The following CYP3A7 variants were observed in gnomAD, a reference collection of about 807,000 sequenced individuals.
CYP3A7 encodes the protein cytochrome P450 3A7.
CYP3A7 carries 45 observed loss-of-function variants against 55.2 expected under a neutral mutation model. The ratio of observed to expected loss-of-function variants is 0.82; its 90% CI spans 0.64 to 1.05. The LOEUF (loss-of-function observed/expected upper bound fraction) is 1.05. Among genes scored for constraint, CYP3A7 ranks in the 50% least tolerant of loss-of-function variants. The pLI is 0.00. For missense variants in CYP3A7, 548 were observed against 605.3 expected, an observed-to-expected ratio of 0.91 and a Z score of 0.99; for synonymous variants, 180 against 207.4, an observed-to-expected ratio of 0.87 and a Z score of 1.13.
chr7:99,724,871 G>A (rs137941706), intron 2 of CYP3A7, among the ~76,000 whole-genome samples: 5 of 152,024 alleles, frequency 3.3e-5, no homozygotes, highest in African/African-American at 4.8e-5. Context: ...TCAGTCCTGC[G>A]ATTTAACCTG....
At chr7:99,714,455 T>G in intron 8 of CYP3A7, 100 bp downstream of exon 8, 1 of 1,546,292 alleles carries the variant, frequency 6.5e-7, no homozygotes, top group South Asian at 1.2e-5. Flanking sequence ...TATGTTAAAA[T>G]CTTTCTCTAA....
intron 9 of CYP3A7, among the ~76,000 whole-genome samples, chr7:99,712,658 A>T (rs1300133772): frequency 6.6e-6 from 1 of 152,214 alleles, no homozygotes; most frequent in East Asian, 1.9e-4. Context: ...GATGATAGAT[A>T]GATAGACAGA....
chr7:99,713,456 A>G lies in CYP3A7; in HGVS notation c.865+13T>C, dbSNP rs762217964. On this transcript the variant is annotated intron_variant, in intron 9 of 12. Coordinates refer to ENST00000336374, the MANE Select transcript of CYP3A7 (RefSeq NM_000765.5). ...TGCCCCACCAGTAGCCCTCAGAAGCACTCTTTTGTTACCTTTGTGGGTCTC... is the reference window on the plus strand; with the variant it reads ...TGCCCCACCAGTAGCCCTCAGAAGCGCTCTTTTGTTACCTTTGTGGGTCTC... 20 of 1,612,840 alleles carry G rather than the reference A, an allele frequency of 1.2e-5. No individual in the cohort carries two copies. The East Asian group carries it at 4.5e-4, about 36-fold the overall frequency.
rs45458992 is a variant in CYP3A7 at position 99,710,564 on chromosome 7, G to A, written c.1026+168C>T. On this transcript the variant is annotated intron_variant, in intron 10 of 12. Coordinates refer to ENST00000336374, the MANE Select transcript of CYP3A7 (RefSeq NM_000765.5). Reference sequence around the variant, plus strand: ...CAAAGATCTTATACTTCTGCCAATAGCAACCATTCCCTATGCTTCCTTCTT... The same window carrying A: ...CAAAGATCTTATACTTCTGCCAATAACAACCATTCCCTATGCTTCCTTCTT... 9.8e-5 allele frequency among the ~76,000 whole-genome samples: 15 copies of A among 152,302 alleles called. No individual in the cohort carries two copies. The East Asian group carries it at 2.7e-3, about 27-fold the overall frequency.
At chr7:99,717,426 G>A (rs1814001506) in intron 5 of CYP3A7, 100 bp downstream of exon 5, 12 of 1,582,188 alleles carry the variant, frequency 7.6e-6, no homozygotes, top group Non-Finnish European at 9.5e-6. Context: ...CTCAAATTCA[G>A]CAGACTACTC....
intron 2 of CYP3A7, 59 bp from the exon 3 acceptor site, chr7:99,722,407 C>G: frequency 6.3e-7 from 1 of 1,593,114 alleles, no homozygotes; most frequent in Non-Finnish European, 8.6e-7. Context: ...AACCCTGCCT[C>G]TAATTGGGGT....
At chr7:99,709,800 A>G (rs1339188947) in intron 10 of CYP3A7, among the ~76,000 whole-genome samples, 1 of 152,096 alleles carries the variant, frequency 6.6e-6, no homozygotes, top group African/African-American at 2.4e-5. Flanking sequence ...ATATATATAT[A>G]TATGCATATA....
At chr7:99,705,734 T>C (rs1202458028) in intron 12 of CYP3A7, 139 bp from the exon 13 acceptor site, 31 of 1,019,126 alleles carry the variant, frequency 3.0e-5, no homozygotes, top group Non-Finnish European at 3.0e-5. Context: ...AAATCTTGGA[T>C]TCGTTATACT....
At chr7:99,705,683 A>G in intron 12 of CYP3A7, 88 bp from the exon 13 acceptor site, 3 of 1,510,352 alleles carry the variant, frequency 2.0e-6, no homozygotes, top group Non-Finnish European at 2.7e-6. Context: ...ATTACTGACA[A>G]TAATGCTTTG....
intron 11 of CYP3A7, among the ~76,000 whole-genome samples, chr7:99,708,807 T>C (rs372373616): frequency 1.4e-4 from 22 of 152,338 alleles, no homozygotes; most frequent in African/African-American, 5.3e-4. Flanking sequence ...AAGGACATAA[T>C]TGAGGACCTT....
intron 4 of CYP3A7, among the ~76,000 whole-genome samples, chr7:99,719,214 C>T (rs1814086866): frequency 6.6e-6 from 1 of 152,172 alleles, no homozygotes; most frequent in African/African-American, 2.4e-5. Context: ...AAAAATACAT[C>T]CATAAAAGTG....
At position 99,709,183 on chromosome 7, in the gene CYP3A7, C is replaced by T. The variant is rs1274975111; in HGVS notation, c.1105G>A (p.Val369Ile). Reference protein sequence around the residue: ...VVNETLRLFPVAMRLERVCKK... With the variant: ...VVNETLRLFPIAMRLERVCKK... ...CAGACCCTCTCAAGTCTCATAGCAA[C>T]TGGGAATAATCTGAGTGTTTCATTC... The change falls in exon 11 of 13, where the codon GTT becomes ATT. Residue 369 changes from valine (V) to isoleucine (I), a missense_variant. Val to Ile is a conservative substitution (Grantham distance 29). Transcript: ENST00000336374. The T allele has an allele frequency of 1.9e-6, 3 of 1,613,876 alleles. No homozygotes were observed. The highest frequency in any genetic ancestry group is 3.3e-5 in the Admixed American group (2 of 59,978).
Position 99,720,281 on chromosome 7 carries a change from G to A in CYP3A7, c.318+32C>T, listed in dbSNP as rs781610168. 1.9e-6 allele frequency: 3 copies of A among 1,609,716 alleles called. No homozygotes were observed. In the Admixed American group the frequency reaches 5.0e-5, roughly 27 times the overall value. On this transcript the variant is annotated intron_variant, in intron 4 of 12. Transcript: ENST00000336374. ...TAAAATAAAAATTTAATCAATCAAT[G>A]AGTATTTTAATTTCAAAAAATGGAT...
intron 9 of CYP3A7, 70 bp downstream of exon 9, chr7:99,713,399 G>A: frequency 6.2e-7 from 1 of 1,600,984 alleles, no homozygotes. Context: ...AATACTTCCT[G>A]CACATTTTCA....
Position 99,720,413 on chromosome 7 carries a change from C to T in CYP3A7, c.219-1G>A, listed in dbSNP as rs1814154729. On this transcript the variant is annotated splice_acceptor_variant, in intron 3 of 12. Transcript: ENST00000336374. LOFTEE classifies it high-confidence loss of function. ...CATAGGCTGTTGACAGTCATAAATA[C>T]TGTGTGGAGAAAACAGAGTTGATTA... is the stretch of plus-strand genomic sequence containing the variant. The T allele has an allele frequency of 1.9e-6, 3 of 1,613,474 alleles. No homozygotes were observed. Among genetic ancestry groups the T allele is most frequent in the Non-Finnish European group, 2.5e-6 (3 of 1,179,548 alleles).
Position 99,726,219 on chromosome 7 carries a change from A to C in CYP3A7, c.166-3871T>G, listed in dbSNP as rs1584521374. ...CTGATCACATGCCCATTACTATCCC[A>C]TTAAAGCCTAATCACCCTTACCCAG... On this transcript the variant is annotated intron_variant, in intron 2 of 12. Transcript: ENST00000336374. Among the ~76,000 whole-genome samples, 4 of 152,134 alleles carry C rather than the reference A, an allele frequency of 2.6e-5. No homozygotes were observed. The South Asian group carries it at 8.3e-4, about 32-fold the overall frequency.
rs776972099 is a variant in CYP3A7 at position 99,713,449 on chromosome 7, C to A, written c.865+20G>T. On this transcript the variant is annotated intron_variant, in intron 9 of 12. Coordinates refer to ENST00000336374, the MANE Select transcript of CYP3A7 (RefSeq NM_000765.5). ...CTCTGAGTGCCCCACCAGTAGCCCT[C>A]AGAAGCACTCTTTTGTTACCTTTGT... 28 of 1,613,116 alleles carry A rather than the reference C, an allele frequency of 1.7e-5. No individual in the cohort carries two copies. Among genetic ancestry groups the A allele is most frequent in the African/African-American group, 4.0e-5 (3 of 74,870 alleles).
intron 1 of CYP3A7, among the ~76,000 whole-genome samples, chr7:99,733,964 C>T (rs773083938): frequency 8.5e-5 from 13 of 152,156 alleles, no homozygotes; most frequent in Non-Finnish European, 1.5e-4. Context: ...ATATTCCTGA[C>T]ATTATTCTGG....
intron 8 of CYP3A7, among the ~76,000 whole-genome samples, chr7:99,714,125 G>T (rs1317833048): frequency 1.3e-5 from 2 of 152,190 alleles, no homozygotes; most frequent in Non-Finnish European, 2.9e-5. Flanking sequence ...CAGGTGGCCT[G>T]ATAGGACCTT....
Sources: gnomAD v4.1 joint callset for allele counts (sites outside exome capture counted in the v4.1 genomes callset) on GRCh38, gnomAD v4.1.1 for gene constraint, MANE v1.5 for transcripts, NCBI Gene and HGNC (gene_info 2026-07-23, HGNC 2026-07-21) for gene names.